The following SULF2 variants were observed in gnomAD, a reference collection of about 807,000 sequenced individuals.
The protein encoded by SULF2 is sulfatase 2.
Under a neutral mutation model 107.7 loss-of-function variants are expected in SULF2, and 52 were observed. The observed-to-expected ratio is 0.48, with a 90% CI of 0.39 to 0.61. The LOEUF (loss-of-function observed/expected upper bound fraction) is 0.61. Ranked by LOEUF, SULF2 falls within the 20% of genes least tolerant of loss-of-function variation. SULF2 has a pLI of 0.00. For synonymous variants in SULF2, 460 were observed against 464.3 expected, an observed-to-expected ratio of 0.99 and a Z score of 0.12; for missense variants, 993 against 1,177.3, an observed-to-expected ratio of 0.84 and a Z score of 2.29.
intron 1 of SULF2, among the ~76,000 whole-genome samples, chr20:47,766,883 C>A (rs1469975626): frequency 6.6e-6 from 1 of 151,272 alleles, no homozygotes; most frequent in African/African-American, 2.4e-5. Flanking sequence ...TTTGACAGGC[C>A]ATATAATTCA....
intron 2 of SULF2, among the ~76,000 whole-genome samples, chr20:47,754,175 GTATC>G (rs1318910374): frequency 9.2e-5 from 14 of 152,282 alleles, no homozygotes; most frequent in Non-Finnish European, 1.6e-4. Context: ...CTCGTCTTGT[GTATC>G]TGGCACCAGT....
chr20:47,731,682 A>T (rs2089617104), intron 3 of SULF2, among the ~76,000 whole-genome samples: 1 of 152,204 alleles, frequency 6.6e-6, no homozygotes, highest in Non-Finnish European at 1.5e-5. Flanking sequence ...ACCGAGGGGG[A>T]CACAGCCAGA....
In SULF2 at chr20:47,736,388, T is replaced by C. The variant is rs367698805; in HGVS notation, c.415+315A>G. Among the ~76,000 whole-genome samples, 26 of 152,290 alleles carry C rather than the reference T, an allele frequency of 1.7e-4. No individual in the cohort carries two copies. In the East Asian group the frequency reaches 4.8e-3, roughly 28 times the overall value. On this transcript the variant is annotated intron_variant, in intron 3 of 20. Coordinates refer to ENST00000688720, the MANE Select transcript of SULF2 (RefSeq NM_001387048.1). ...AACAGTCCCTGATGGGCTTAATAAC[T>C]ATTAACAGAGGATGCAAACTCATGC...
intron 4 of SULF2, among the ~76,000 whole-genome samples, chr20:47,697,525 C>T (rs2146574252): frequency 6.6e-6 from 1 of 152,338 alleles, no homozygotes; most frequent in Non-Finnish European, 1.5e-5. Flanking sequence ...CGGGCTCACC[C>T]CTGTTCCCTT....
intron 1 of SULF2, among the ~76,000 whole-genome samples, chr20:47,760,669 C>T (rs1030394485): frequency 1.3e-5 from 2 of 152,166 alleles, no homozygotes; most frequent in Admixed American, 6.5e-5. Context: ...CAGCAAGTCT[C>T]CCTTCTAGCA....
At chr20:47,720,818 G>T (rs1482752445) in intron 3 of SULF2, among the ~76,000 whole-genome samples, 1 of 152,148 alleles carries the variant, frequency 6.6e-6, no homozygotes, top group Non-Finnish European at 1.5e-5. Flanking sequence ...TTGGCTTCCT[G>T]GGGCTCCCGG....
At chr20:47,665,981 C>T (rs2076545) in intron 12 of SULF2, 28 bp from the exon 13 acceptor site, 703,014 of 1,609,396 alleles carry the variant, frequency 0.44, 155,862 homozygotes, top group East Asian at 0.58. Context: ...TCACGTGTGG[C>T]TCGGAGGTGG....
chr20:47,695,306 G>T (rs2088338528), intron 4 of SULF2, among the ~76,000 whole-genome samples: 1 of 152,120 alleles, frequency 6.6e-6, no homozygotes, highest in Non-Finnish European at 1.5e-5. Flanking sequence ...AAAATGAGCT[G>T]TATGCTTTTT....
At chr20:47,745,869 T>TA (rs1206594047) in intron 2 of SULF2, among the ~76,000 whole-genome samples, 1 of 152,170 alleles carries the variant, frequency 6.6e-6, no homozygotes. Flanking sequence ...CACGCGGAGT[T>TA]AAAAAACGGA....
intron 4 of SULF2, among the ~76,000 whole-genome samples, chr20:47,691,634 C>G (rs1326886186): frequency 6.6e-6 from 1 of 152,060 alleles, no homozygotes; most frequent in Non-Finnish European, 1.5e-5. Flanking sequence ...GCCATGTGCT[C>G]TAAAAATAGA....
chr20:47,677,318 C>T (rs535821114), intron 8 of SULF2, among the ~76,000 whole-genome samples, 184 bp from the exon 9 acceptor site: 3 of 152,232 alleles, frequency 2.0e-5, no homozygotes, highest in South Asian at 4.1e-4. Flanking sequence ...GTTGAGCCAC[C>T]CCTTCCCCAG....
Position 47,690,180 on chromosome 20 carries a change from G to A in SULF2, c.683C>T (p.Pro228Leu), listed in dbSNP as rs2088147709. ...MVISHAAPHG[P>L]EDSAPQYSRL... ...TGAATATTGTGGGGCTGAATCCTCA[G>A]GGCCGTGGGGGGCTGCATGGCTGAT... Residue 228 changes from proline (P) to leucine (L), a missense_variant, in exon 5 of 21, where the codon CCT becomes CTT. Pro to Leu is a moderately conservative substitution (Grantham distance 98, BLOSUM62 -3). Coordinates refer to ENST00000688720, the MANE Select transcript of SULF2 (RefSeq NM_001387048.1). 6.4e-7 allele frequency: 1 copy of A among 1,563,786 alleles called. No individual in the cohort carries two copies. The highest frequency in any genetic ancestry group is 1.8e-5 in the Admixed American group (1 of 55,258).
chr20:47,663,432 C>T lies in SULF2; in HGVS notation c.2227+21G>A, dbSNP rs201819823. 3.3e-4 allele frequency: 529 copies of T among 1,605,344 alleles called. 6 individuals carry two copies. The highest frequency in any genetic ancestry group is 1.8e-3 in the South Asian group (167 of 91,050). On this transcript the variant is annotated intron_variant, in intron 16 of 20. Coordinates refer to ENST00000688720, the MANE Select transcript of SULF2 (RefSeq NM_001387048.1). ...AACCCCTGGGCCTCAGCCTGTCCAC[C>T]CCTGCCCTGGGCTTGCTCACGTGTC...
At chr20:47,713,115 G>A (rs992938053) in intron 3 of SULF2, among the ~76,000 whole-genome samples, 1 of 152,124 alleles carries the variant, frequency 6.6e-6, no homozygotes, top group Non-Finnish European at 1.5e-5. Flanking sequence ...GCTACATGCT[G>A]AAAAAAATGG....
At chr20:47,747,724 C>A (rs6125099) in intron 2 of SULF2, among the ~76,000 whole-genome samples, 10 of 151,724 alleles carry the variant, frequency 6.6e-5, no homozygotes, top group East Asian at 3.9e-4. Flanking sequence ...AATGTCCCCC[C>A]CTTCCCCACC....
chr20:47,780,980 GC>G (rs2090823008), intron 1 of SULF2, among the ~76,000 whole-genome samples: 2 of 152,200 alleles, frequency 1.3e-5, no homozygotes, highest in South Asian at 4.1e-4. Context: ...TATTGGTCAT[GC>G]CCCCCAGCAT....
At chr20:47,757,697 C>T (rs1232903679) in intron 1 of SULF2, among the ~76,000 whole-genome samples, 1 of 152,096 alleles carries the variant, frequency 6.6e-6, no homozygotes, top group Non-Finnish European at 1.5e-5. Flanking sequence ...ACAATTTCTT[C>T]CCTGGATCCA....
chr20:47,751,017 T>C (rs1218069572), intron 2 of SULF2, among the ~76,000 whole-genome samples: 3 of 152,176 alleles, frequency 2.0e-5, no homozygotes, highest in African/African-American at 7.2e-5. Context: ...CTCCTGGCTT[T>C]ATTCTCCTCC....
intron 1 of SULF2, among the ~76,000 whole-genome samples, chr20:47,771,917 C>A (rs2090637852): frequency 6.6e-6 from 1 of 152,192 alleles, no homozygotes; most frequent in Non-Finnish European, 1.5e-5. Flanking sequence ...TTTTTACAGG[C>A]AGCTCCCCAG....
Sources: allele counts gnomAD v4.1 joint callset (sites outside exome capture counted in the v4.1 genomes callset), GRCh38; gene constraint gnomAD v4.1.1; transcripts MANE v1.5; gene names NCBI Gene and HGNC (gene_info 2026-07-23, HGNC 2026-07-21).